The following CDK1 variants were observed in gnomAD, a reference collection of about 807,000 sequenced individuals.
CDK1 encodes the protein cyclin dependent kinase 1, also known as cyclin-dependent kinase 1.
A neutral mutation model predicts 34.6 loss-of-function variants in CDK1; 5 were observed. The ratio of observed to expected loss-of-function variants is 0.14; its 90% CI spans 0.08 to 0.30. The LOEUF is 0.30. Among genes scored for constraint, CDK1 ranks in the 10% least tolerant of loss-of-function variants. The pLI is 1.00. For missense variants in CDK1, 157 were observed against 345.7 expected (o/e 0.45, Z 4.33); for synonymous variants, 108 against 114.7 (o/e 0.94, Z 0.37).
At chr10:60,785,166 C>G (rs1465403213) in intron 3 of CDK1, among the ~76,000 whole-genome samples, 1 of 152,128 alleles carries the variant, frequency 6.6e-6, no homozygotes, top group South Asian at 2.1e-4. Flanking sequence ...TTGGGGAGCT[C>G]TAGTTCCTGA....
chr10:60,787,911 C>T, intron 4 of CDK1, 149 bp from the exon 5 acceptor site: 1 of 440,340 alleles, frequency 2.3e-6, no homozygotes. Flanking sequence ...AATGGGCTTC[C>T]CACCCACAAA....
chr10:60,787,821 T>C, intron 4 of CDK1: 1 of 241,542 alleles, frequency 4.1e-6, no homozygotes, highest in Non-Finnish European at 7.9e-6. Context: ...GTTTAAAGAC[T>C]AAATGTGTTC....
chr10:60,779,885 T>G (rs2080257178), intron 1 of CDK1, among the ~76,000 whole-genome samples: 1 of 150,590 alleles, frequency 6.6e-6, no homozygotes, highest in South Asian at 2.1e-4. Flanking sequence ...ATTTGAGGGT[T>G]ATTTTGATTG....
At chr10:60,781,058 ATT>A (rs11351423) in intron 2 of CDK1, among the ~76,000 whole-genome samples, 60 of 150,012 alleles carry the variant, frequency 4.0e-4, no homozygotes, top group Non-Finnish European at 4.6e-4. Flanking sequence ...ATATATATAT[ATT>A]TTTTTTTTAA....
chr10:60,788,629 C>T (rs1447502325), intron 5 of CDK1, among the ~76,000 whole-genome samples: 3 of 152,012 alleles, frequency 2.0e-5, no homozygotes, highest in African/African-American at 7.2e-5. Context: ...CTGAACCCTC[C>T]CTGATTATAG....
intron 7 of CDK1, among the ~76,000 whole-genome samples, chr10:60,793,367 CGCG>C (rs988321225): frequency 2.6e-5 from 4 of 151,874 alleles, no homozygotes; most frequent in African/African-American, 9.7e-5. Flanking sequence ...CTTTTTCTGG[CGCG>C]TAAACTAACA....
At chr10:60,788,019 G>A in intron 4 of CDK1, 41 bp from the exon 5 acceptor site, 1 of 983,862 alleles carries the variant, frequency 1.0e-6, no homozygotes, top group Non-Finnish European at 1.4e-6. Flanking sequence ...AGAAAATCAT[G>A]TACTTCGCTT....
intron 1 of CDK1, among the ~76,000 whole-genome samples, chr10:60,778,906 C>T (rs2080247347): frequency 6.6e-6 from 1 of 152,162 alleles, no homozygotes; most frequent in South Asian, 2.1e-4. Context: ...AAAATCCGCT[C>T]CCCCACGCTG....
chr10:60,783,149 T>A (rs1213264512), intron 2 of CDK1, among the ~76,000 whole-genome samples: 1 of 152,136 alleles, frequency 6.6e-6, no homozygotes, highest in Non-Finnish European at 1.5e-5. Flanking sequence ...TGAATTTACA[T>A]CCAAAAAAAT....
Position 60,784,868 on chromosome 10 carries a change from T to G in CDK1, c.194+7T>G. 5.0e-6 allele frequency: 8 copies of G among 1,606,902 alleles called. No homozygotes were observed. Among genetic ancestry groups the G allele is most frequent in the Non-Finnish European group, 6.0e-6 (7 of 1,174,822 alleles). ...GTCATCCAAATATAGTCAGGTATGTTGTAATATCTGAATGTAAGCCATTTT... is the reference window on the plus strand; with the variant it reads ...GTCATCCAAATATAGTCAGGTATGTGGTAATATCTGAATGTAAGCCATTTT... On this transcript the variant is annotated splice_region_variant and intron_variant, in intron 3 of 7. Coordinates refer to ENST00000395284, the MANE Select transcript of CDK1 (RefSeq NM_001786.5).
chr10:60,779,507 T>C (rs2080253789), intron 1 of CDK1, among the ~76,000 whole-genome samples: 1 of 152,216 alleles, frequency 6.6e-6, no homozygotes, highest in African/African-American at 2.4e-5. Context: ...TCTTTTGTTT[T>C]ACGGTGCTTA....
intron 4 of CDK1, 176 bp downstream of exon 4, chr10:60,785,963 C>T (rs907327895): frequency 5.0e-6 from 6 of 1,204,088 alleles, no homozygotes; most frequent in Non-Finnish European, 6.2e-6. Flanking sequence ...CATGTTATTA[C>T]CAGATAGTGT....
In CDK1 at chr10:60,785,839, A is replaced by G. The variant is rs565964874; in HGVS notation, c.318+52A>G. The G allele has an allele frequency of 2.4e-5, 36 of 1,492,514 alleles. No individual in the cohort carries two copies. The Admixed American group carries it at 5.0e-4, about 21-fold the overall frequency. The allele number at this position is 1,492,514 out of a possible 1,614,324, so 92.5% of individuals were successfully genotyped here. ...ATTTATGCACTGTGGATATAAAGGG[A>G]CTATATATAGAAGTCCCTGCATTTT... On this transcript the variant is annotated intron_variant, in intron 4 of 7. Transcript: ENST00000395284.
chr10:60,784,660 A>T, intron 2 of CDK1, 45 bp from the exon 3 acceptor site: 1 of 1,469,612 alleles, frequency 6.8e-7, no homozygotes, highest in Non-Finnish European at 9.3e-7. Context: ...AAAGATCTTT[A>T]GTTTGTGGGG....
chr10:60,786,772 T>C, intron 4 of CDK1: 1 of 700,610 alleles, frequency 1.4e-6, no homozygotes, highest in Non-Finnish European at 1.8e-6. Flanking sequence ...ATTAAGATTG[T>C]TTTAATTTTA....
At chr10:60,786,060 G>A (rs2080313042) in intron 4 of CDK1, 6 of 1,058,818 alleles carry the variant, frequency 5.7e-6, no homozygotes, top group Non-Finnish European at 6.8e-6. Flanking sequence ...TTCTTTGGCT[G>A]TCAGATACAT....
At chr10:60,787,887 T>C in intron 4 of CDK1, 173 bp from the exon 5 acceptor site, 1 of 396,044 alleles carries the variant, frequency 2.5e-6, no homozygotes, top group Non-Finnish European at 4.5e-6. Flanking sequence ...TATACAAATG[T>C]GATGTTGTAT....
chr10:60,789,221 C>T (rs908341108), intron 5 of CDK1, among the ~76,000 whole-genome samples: 2 of 152,086 alleles, frequency 1.3e-5, no homozygotes, highest in African/African-American at 4.8e-5. Context: ...TTGCCCCAAG[C>T]ATTTATTATT....
At position 60,792,195 on chromosome 10, in the gene CDK1, T is replaced by C. The variant is rs373718394; in HGVS notation, c.701T>C (p.Leu234Ser). The change falls in exon 7 of 8, where the codon TTA (leucine) becomes TCA (serine). Residue 234 changes from leucine (L) to serine (S), a missense_variant. Leu to Ser is a moderately radical substitution (Grantham distance 145). This residue lies in a region of CDK1 where 102 missense variants were observed against 233.6 expected (regional missense o/e 0.44). Transcript: ENST00000395284. The part of the protein sequence containing the change: ...NNEVWPEVES[L>S]QDYKNTFPKW... ...GAAGTGTGGCCAGAAGTGGAATCTT[T>C]ACAGGACTATAAGAATACATTTCCC... 6.2e-7 allele frequency: 1 copy of C among 1,612,532 alleles called. No homozygotes were observed. The highest frequency in any genetic ancestry group is 8.5e-7 in the Non-Finnish European group (1 of 1,179,236).
Sources: allele counts gnomAD v4.1 joint callset (sites outside exome capture counted in the v4.1 genomes callset), GRCh38; gene constraint gnomAD v4.1.1; regional missense constraint gnomAD v4.1.1; transcripts MANE v1.5; gene names NCBI Gene and HGNC (gene_info 2026-07-23, HGNC 2026-07-21).